PRSS23: variants seen among roughly 807,000 people sequenced by gnomAD.
PRSS23 encodes the protein protease, serine 23.
In PRSS23, 25 loss-of-function variants were observed where a neutral mutation model predicts 34.7. The ratio of observed to expected loss-of-function variants is 0.72; its 90% CI spans 0.53 to 1.01. The LOEUF is 1.01. Among genes scored for constraint, PRSS23 ranks in the 50% least tolerant of loss-of-function variants. The probability of loss-of-function intolerance (pLI) is 0.00; values close to 1 mark genes in which losing one functional copy is unlikely to be tolerated. For missense variants in PRSS23, 445 were observed against 475.6 expected (o/e 0.94, Z 0.60); for synonymous variants, 176 against 186.6 (o/e 0.94, Z 0.46).
At chr11:86,838,539 G>T (rs915472923) in intron 2 of PRSS23, among the ~76,000 whole-genome samples, 1 of 152,218 alleles carries the variant, frequency 6.6e-6, no homozygotes, top group Non-Finnish European at 1.5e-5. Context: ...ACTTCTGGGG[G>T]CAGGGCATAG....
intron 2 of PRSS23, among the ~76,000 whole-genome samples, chr11:86,890,779 A>G (rs929610659): frequency 1.3e-5 from 2 of 152,184 alleles, no homozygotes; most frequent in Admixed American, 6.5e-5. Context: ...GCTTAGCCCA[A>G]TGCCACTGGG....
At chr11:86,950,909 C>T (rs1191022915) in intron 2 of PRSS23, 4 of 590,590 alleles carry the variant, frequency 6.8e-6, no homozygotes, top group Non-Finnish European at 1.2e-5. Context: ...TTTTTCACAG[C>T]TTTGAAAGCC....
chr11:86,805,244 C>T (rs1948086642), intron 1 of PRSS23, among the ~76,000 whole-genome samples: 1 of 152,114 alleles, frequency 6.6e-6, no homozygotes. Flanking sequence ...CCTCGATAAG[C>T]CCAAGGGATG....
chr11:86,795,472 T>C (rs72969403), intron 1 of PRSS23, among the ~76,000 whole-genome samples: 12,867 of 152,302 alleles, frequency 0.084, 783 homozygotes, highest in Non-Finnish European at 0.12. Context: ...TCACATCCTT[T>C]GCTACTCCGG....
chr11:86,927,941 C>CA (rs757273991), intron 2 of PRSS23, among the ~76,000 whole-genome samples: 129 of 133,938 alleles, frequency 9.6e-4, no homozygotes, highest in Middle Eastern at 3.7e-3. Flanking sequence ...AACTCCGTCT[C>CA]AAAAAAAAAA....
At chr11:86,861,691 G>A (rs541468332) in intron 2 of PRSS23, among the ~76,000 whole-genome samples, 2 of 151,142 alleles carry the variant, frequency 1.3e-5, no homozygotes, top group East Asian at 2.0e-4. Context: ...CTACCCAAGG[G>A]GGGTAGAGGT....
chr11:86,851,917 G>A (rs1948533161), intron 2 of PRSS23, among the ~76,000 whole-genome samples: 1 of 152,138 alleles, frequency 6.6e-6, no homozygotes, highest in Non-Finnish European at 1.5e-5. Context: ...ATTGGTGGGG[G>A]GGAAGCAAAA....
intron 2 of PRSS23, chr11:86,837,624 A>G (rs1231863464): frequency 6.6e-6 from 1 of 152,180 alleles, no homozygotes; most frequent in Non-Finnish European, 1.5e-5. Flanking sequence ...AATATTAGCT[A>G]AGCATGGCAG....
At chr11:86,818,512 T>A (rs1948230297) in intron 1 of PRSS23, among the ~76,000 whole-genome samples, 1 of 152,102 alleles carries the variant, frequency 6.6e-6, no homozygotes, top group Non-Finnish European at 1.5e-5. Context: ...CTTGAAAAAA[T>A]AAATCAAAAT....
At chr11:86,853,242 CTTTTTTT>C (rs561682096) in intron 2 of PRSS23, among the ~76,000 whole-genome samples, 3,822 of 45,728 alleles carry the variant, frequency 0.084, 69 homozygotes, top group East Asian at 0.12. Flanking sequence ...AAGTGCCTGC[CTTTTTTT>C]TTTTTTTTTT....
At chr11:86,800,987 A>G (rs1449119067) in intron 1 of PRSS23, among the ~76,000 whole-genome samples, 1 of 152,042 alleles carries the variant, frequency 6.6e-6, no homozygotes, top group East Asian at 1.9e-4. Context: ...GGCGGGGGCG[A>G]TGGCTACACC....
Position 86,807,804 on chromosome 11 carries a change from G to A in PRSS23, c.161G>A (p.Gly54Glu). Residue 54 changes from glycine (G) to glutamate (E), a missense_variant, in exon 2 of 2, where the codon GGA (glycine) becomes GAA (glutamate). Gly to Glu is a moderately conservative substitution (Grantham distance 98). Transcript: ENST00000280258. ...CTCAATTTAGCCAAGCCAGACTTTG[G>A]AGCCGAAGCCAAATTAGAAGTATCT... ...STLNLAKPDF[G>E]AEAKLEVSSS... 3 of 1,614,116 alleles carry A rather than the reference G, an allele frequency of 1.9e-6. No homozygotes were observed. Among genetic ancestry groups the A allele is most frequent in the Non-Finnish European group, 2.5e-6 (3 of 1,180,026 alleles).
chr11:86,927,258 T>C (rs1949087605), intron 2 of PRSS23, among the ~76,000 whole-genome samples: 1 of 152,266 alleles, frequency 6.6e-6, no homozygotes, highest in African/African-American at 2.4e-5. Flanking sequence ...TGTCATCTCC[T>C]GTTCACCAGT....
intron 2 of PRSS23, among the ~76,000 whole-genome samples, chr11:86,884,087 T>G (rs1215084743): frequency 6.6e-6 from 1 of 152,182 alleles, no homozygotes; most frequent in Non-Finnish European, 1.5e-5. Context: ...CTATAGCCAG[T>G]AAATCATCTA....
At chr11:86,878,616 C>T (rs1211356297) in intron 2 of PRSS23, among the ~76,000 whole-genome samples, 2 of 152,096 alleles carry the variant, frequency 1.3e-5, no homozygotes, top group Non-Finnish European at 1.5e-5. Flanking sequence ...CTCGCTACAA[C>T]CTCCACCTCC....
rs1187213933 is a variant in PRSS23 at position 86,807,758 on chromosome 11, G to A, written c.115G>A (p.Val39Ile). The change falls in exon 2 of 2, where the codon GTC becomes ATC. Residue 39 changes from valine to isoleucine, a missense_variant. Physicochemically the swap from Val to Ile is conservative, Grantham distance 29. Coordinates refer to ENST00000280258, the MANE Select transcript of PRSS23 (RefSeq NM_007173.6). Reference protein sequence around the residue: ...KPTWPAYRLPVVLPQSTLNLA... With the variant: ...KPTWPAYRLPIVLPQSTLNLA... ...CACTTGGCCTGCATACCGCCTCCCT[G>A]TCGTCTTGCCCCAGTCTACCCTCAA... 6.2e-7 allele frequency: 1 copy of A among 1,614,094 alleles called. No individual in the cohort carries two copies. The highest frequency in any genetic ancestry group is 1.3e-5 in the African/African-American group (1 of 75,012).
intron 2 of PRSS23, chr11:86,837,567 G>A (rs764646230): frequency 1.3e-5 from 2 of 152,300 alleles, no homozygotes; most frequent in African/African-American, 2.4e-5. Flanking sequence ...AGGAGATCAA[G>A]ATTATCCTGG....
intron 2 of PRSS23, among the ~76,000 whole-genome samples, chr11:86,877,396 C>T (rs904683841): frequency 3.3e-5 from 5 of 152,236 alleles, no homozygotes; most frequent in African/African-American, 1.2e-4. Flanking sequence ...CTTCTCCGTA[C>T]ATGTCTCAAA....
downstream of PRSS23, among the ~76,000 whole-genome samples, chr11:86,813,394 G>A (rs558465487): frequency 2.4e-4 from 36 of 152,346 alleles, 1 homozygote; most frequent in South Asian, 7.0e-3. Context: ...CTGTTTAAGA[G>A]ACAGATGGGG....
Sources: allele counts gnomAD v4.1 joint callset (sites outside exome capture counted in the v4.1 genomes callset), GRCh38; gene constraint gnomAD v4.1.1; transcripts MANE v1.5; gene names NCBI Gene and HGNC (gene_info 2026-07-23, HGNC 2026-07-21).